Variants in IPO11 observed in about 807,000 individuals in gnomAD.
IPO11 encodes importin-11.
Under a neutral mutation model 143.2 loss-of-function variants are expected in IPO11, and 66 were observed. The observed-to-expected ratio is 0.46, with a 90% CI of 0.38 to 0.57. The LOEUF is 0.57. IPO11 is among the 20% of genes least tolerant of loss of function. The pLI, the probability that IPO11 is intolerant of heterozygous loss-of-function variation, is 0.00. For missense variants in IPO11, 1,026 were observed against 1,141.0 expected (o/e 0.90, Z 1.45); for synonymous variants, 385 against 377.8 (o/e 1.02, Z -0.22).
At chr5:62,504,033 T>C (rs533418616) in intron 16 of IPO11, among the ~76,000 whole-genome samples, 1 of 152,332 alleles carries the variant, frequency 6.6e-6, no homozygotes, top group Non-Finnish European at 1.5e-5. Flanking sequence ...TTTTAGCCGA[T>C]TAAGTCTGCG....
intron 22 of IPO11, among the ~76,000 whole-genome samples, chr5:62,536,222 T>C (rs1234958122): frequency 1.3e-5 from 2 of 152,182 alleles, no homozygotes; most frequent in Admixed American, 6.5e-5. Flanking sequence ...CAAAATATGA[T>C]GGTAAAATGA....
chr5:62,461,736 G>A (rs1257540111), intron 5 of IPO11, among the ~76,000 whole-genome samples: 1 of 152,122 alleles, frequency 6.6e-6, no homozygotes, highest in African/African-American at 2.4e-5. Context: ...TGTGTGCCAG[G>A]CATCTTATGT....
intron 29 of IPO11, among the ~76,000 whole-genome samples, chr5:62,604,324 T>A (rs1161164110): frequency 1.3e-5 from 2 of 152,092 alleles, no homozygotes; most frequent in Non-Finnish European, 2.9e-5. Flanking sequence ...TAACCATACC[T>A]CAGCCTCCCG....
At chr5:62,530,825 C>T (rs775000669) in intron 22 of IPO11, 40 bp downstream of exon 22, 28 of 1,476,582 alleles carry the variant, frequency 1.9e-5, no homozygotes, top group Non-Finnish European at 2.5e-5. Context: ...TTTTTGAATG[C>T]AACCATAATT....
intron 5 of IPO11, among the ~76,000 whole-genome samples, chr5:62,462,527 TA>T (rs1372044399): frequency 6.6e-6 from 1 of 151,566 alleles, no homozygotes; most frequent in South Asian, 2.1e-4. Flanking sequence ...CTACCATTAT[TA>T]AAAAAAATAC....
chr5:62,543,006 A>G (rs565782086), intron 24 of IPO11, among the ~76,000 whole-genome samples: 2 of 152,310 alleles, frequency 1.3e-5, no homozygotes, highest in South Asian at 4.1e-4. Context: ...GATGTTATTT[A>G]ATCCTTACAT....
intron 1 of IPO11, among the ~76,000 whole-genome samples, chr5:62,435,172 G>GTGTATA (rs1554047228): frequency 1.1e-5 from 1 of 88,312 alleles, no homozygotes; most frequent in Non-Finnish European, 2.2e-5. Flanking sequence ...GTATATATAT[G>GTGTATA]TATATATGTA....
intron 5 of IPO11, among the ~76,000 whole-genome samples, chr5:62,464,173 T>C (rs1354332435): frequency 1.6e-5 from 2 of 123,894 alleles, no homozygotes; most frequent in Non-Finnish European, 3.3e-5. Flanking sequence ...TTTTTTGAGA[T>C]GCAGTCTTGC....
Position 62,537,286 on chromosome 5 carries a change from C to CA in IPO11, c.2249dup (p.Val751GlyfsTer7). On this transcript the variant is annotated frameshift_variant, in exon 24 of 30. Coordinates refer to ENST00000325324, the MANE Select transcript of IPO11 (RefSeq NM_016338.5). LOFTEE classifies it high-confidence loss of function. ...CTACAGAAGGTCAAGTTCAGGTGCT[C>CA]AAGGTATTGTGATCATTTTAAATGA... The CA allele has an allele frequency of 6.4e-7, 1 of 1,572,836 alleles. No individual in the cohort carries two copies. The highest frequency in any genetic ancestry group is 8.7e-7 in the Non-Finnish European group (1 of 1,144,120).
chr5:62,485,504 A>C (rs778876264), intron 12 of IPO11, 42 bp downstream of exon 12: 3 of 1,434,932 alleles, frequency 2.1e-6, no homozygotes. Flanking sequence ...GGAAAGCTTA[A>C]TCTTTCTAAA....
chr5:62,584,250 T>C (rs1744673105), intron 27 of IPO11, among the ~76,000 whole-genome samples: 1 of 152,048 alleles, frequency 6.6e-6, no homozygotes, highest in African/African-American at 2.4e-5. Context: ...GGTGTCAAGC[T>C]ATTGATGAGG....
At chr5:62,477,191 G>C (rs1008201046) in intron 9 of IPO11, among the ~76,000 whole-genome samples, 1 of 152,174 alleles carries the variant, frequency 6.6e-6, no homozygotes, top group African/African-American at 2.4e-5. Flanking sequence ...GGGGTGCGCT[G>C]TGGTAGGCAG....
rs1444884014 is a variant in IPO11, at chr5:62,627,233, TAGG to T, written c.2846_2848del (p.Gly949del). The T allele has an allele frequency of 1.9e-6, 3 of 1,614,124 alleles. No homozygotes were observed. Among genetic ancestry groups the T allele is most frequent in the Non-Finnish European group, 8.5e-7 (1 of 1,179,998 alleles). On this transcript the variant is annotated inframe_deletion, in exon 30 of 30. Transcript: ENST00000325324. Reference sequence around the variant, plus strand: ...AAGCTCAAGGCACAGCAGGAGATGCTAGGAGAACAAGGTTTCCAGTCCCTCATG... The same window carrying T: ...AAGCTCAAGGCACAGCAGGAGATGCTAGAACAAGGTTTCCAGTCCCTCATG...
chr5:62,504,087 C>T (rs1411652746), intron 16 of IPO11, among the ~76,000 whole-genome samples: 2 of 152,102 alleles, frequency 1.3e-5, no homozygotes, highest in East Asian at 1.9e-4. Flanking sequence ...ATATGATTTG[C>T]CCAGGTAACA....
chr5:62,521,382 G>A (rs1340274467), intron 20 of IPO11, among the ~76,000 whole-genome samples: 4 of 152,106 alleles, frequency 2.6e-5, no homozygotes, highest in African/African-American at 9.7e-5. Context: ...CAAAATTTTG[G>A]AGACTTTTTT....
At chr5:62,550,291 C>T (rs1434198999) in intron 24 of IPO11, 76 bp from the exon 25 acceptor site, 5 of 1,095,142 alleles carry the variant, frequency 4.6e-6, no homozygotes, top group Non-Finnish European at 6.9e-6. Context: ...TATTTTAGTA[C>T]ATTGTTTCCT....
chr5:62,472,596 C>T (rs26631), intron 7 of IPO11, among the ~76,000 whole-genome samples: 87,571 of 149,474 alleles, frequency 0.59, 25,870 homozygotes, highest in South Asian at 0.68. Flanking sequence ...GGCGTGATCT[C>T]GGCTCACTGC....
At chr5:62,606,480 T>TAA (rs760722973) in intron 29 of IPO11, among the ~76,000 whole-genome samples, 12,242 of 56,030 alleles carry the variant, frequency 0.22, 2,512 homozygotes, top group African/African-American at 0.34. Flanking sequence ...GACCCTGTCT[T>TAA]AAAAAAAAAA....
At chr5:62,424,904 A>G (rs562994032) in intron 1 of IPO11, among the ~76,000 whole-genome samples, 3 of 152,162 alleles carry the variant, frequency 2.0e-5, no homozygotes, top group South Asian at 2.1e-4. Flanking sequence ...ATTACTTCAT[A>G]TTTACCTTGA....
Sources: allele counts gnomAD v4.1 joint callset (sites outside exome capture counted in the v4.1 genomes callset), GRCh38; gene constraint gnomAD v4.1.1; transcripts MANE v1.5; gene names NCBI Gene and HGNC (gene_info 2026-07-23, HGNC 2026-07-21).